KTN1: variants seen among roughly 807,000 people sequenced by gnomAD.
KTN1 encodes kinectin.
A neutral mutation model predicts 222.5 loss-of-function variants in KTN1; 130 were observed. That is an observed-to-expected ratio of 0.58 (90% confidence interval 0.51 to 0.68). The LOEUF is 0.68. Among genes scored for constraint, KTN1 ranks in the 30% least tolerant of loss-of-function variants. KTN1 has a pLI of 0.00. For synonymous variants in KTN1, 512 were observed against 496.3 expected, an observed-to-expected ratio of 1.03 and a Z score of -0.42; for missense variants, 1,508 against 1,500.4, an observed-to-expected ratio of 1.01 and a Z score of -0.08.
intron 5 of KTN1, among the ~76,000 whole-genome samples, chr14:55,627,120 GT>G (rs1453738766): frequency 6.6e-6 from 1 of 152,084 alleles, no homozygotes; most frequent in Non-Finnish European, 1.5e-5. Context: ...GAGATTACAG[GT>G]TACTGTCATT....
chr14:55,613,126 G>A (rs1161099934), intron 2 of KTN1, among the ~76,000 whole-genome samples: 4 of 152,074 alleles, frequency 2.6e-5, no homozygotes, highest in Admixed American at 6.6e-5. Flanking sequence ...TAGGTATTAG[G>A]GCTACAGAGA....
chr14:55,678,662 TC>T, intron 42 of KTN1: 2 of 468,232 alleles, frequency 4.3e-6, no homozygotes, highest in Admixed American at 3.4e-5. Context: ...GGTCCCCAAT[TC>T]CTGGACTGTG....
At chr14:55,665,468 C>A (rs1325623304) in intron 33 of KTN1, among the ~76,000 whole-genome samples, 1 of 151,888 alleles carries the variant, frequency 6.6e-6, no homozygotes, top group Non-Finnish European at 1.5e-5. Flanking sequence ...TGAAAGTCTT[C>A]TATATTTCAA....
chr14:55,607,327 T>G (rs1384735742), intron 1 of KTN1: 1 of 152,194 alleles, frequency 6.6e-6, no homozygotes, highest in Non-Finnish European at 1.5e-5. Context: ...CGTGTTAACT[T>G]ATTATAATTT....
chr14:55,662,025 C>G (rs1166737325), intron 32 of KTN1, among the ~76,000 whole-genome samples: 1 of 150,062 alleles, frequency 6.7e-6, no homozygotes, highest in Non-Finnish European at 1.5e-5. Flanking sequence ...CCAGTATACT[C>G]AGTAATGGGG....
At chr14:55,580,534 T>A (rs756286158) in intron 1 of KTN1, among the ~76,000 whole-genome samples, 180 bp downstream of exon 1, 19 of 149,290 alleles carry the variant, frequency 1.3e-4, no homozygotes, top group Non-Finnish European at 1.9e-4. Flanking sequence ...GCCGCGGGGC[T>A]CTTGTTGGGG....
At chr14:55,676,488 A>G (rs2045900207) in intron 41 of KTN1, among the ~76,000 whole-genome samples, 1 of 152,174 alleles carries the variant, frequency 6.6e-6, no homozygotes, top group Non-Finnish European at 1.5e-5. Flanking sequence ...TAGAGCTATG[A>G]TAGTGTTTAT....
rs541162429 is a variant in KTN1 at position 55,653,014 on chromosome 14, A to G, written c.2695-3A>G. On this transcript the variant is annotated splice_region_variant and splice_polypyrimidine_tract_variant and intron_variant, in intron 26 of 43. Transcript: ENST00000395314. Reference sequence around the variant, plus strand: ...AATTTAATTTACACCTATTCTTTTTAAGGATCTTCAAGAAGAAAATGAATC... The same window carrying G: ...AATTTAATTTACACCTATTCTTTTTGAGGATCTTCAAGAAGAAAATGAATC... 5.6e-6 allele frequency: 9 copies of G among 1,598,566 alleles called. No individual in the cohort carries two copies. Among genetic ancestry groups the G allele is most frequent in the Non-Finnish European group, 6.9e-6 (8 of 1,167,580 alleles).
At position 55,672,613 on chromosome 14, in the gene KTN1, A is replaced by G. The variant is rs763577965; in HGVS notation, c.3532-17A>G. 7 of 1,557,990 alleles carry G rather than the reference A, an allele frequency of 4.5e-6. No individual in the cohort carries two copies. The highest frequency in any genetic ancestry group is 2.2e-5 in the South Asian group (2 of 89,422). ...CTTGGTGGTTTTACTTGGCCATGTA[A>G]TTGTTTCACATTTCAGATGCAGTCA... On this transcript the variant is annotated splice_polypyrimidine_tract_variant and intron_variant, in intron 37 of 43. Transcript: ENST00000395314.
chr14:55,645,932 A>G (rs958656890), intron 18 of KTN1, among the ~76,000 whole-genome samples: 4 of 152,190 alleles, frequency 2.6e-5, no homozygotes, highest in African/African-American at 9.6e-5. Context: ...ATTGGGAAAA[A>G]CAAAAAAATG....
At position 55,646,474 on chromosome 14, in the gene KTN1, CCTTTCCTTTCCTTT is replaced by C. The variant is rs1595074588; in HGVS notation, c.2173-497_2173-484del. ...TTTCCTTTTCCTTTTCCTTTCCTTT[CCTTTCCTTTCCTTT>C]CCTTTCCTTTCCTTTCCTTTCCTTT... On this transcript the variant is annotated intron_variant, in intron 18 of 43. Coordinates refer to ENST00000395314, the MANE Select transcript of KTN1 (RefSeq NM_001079521.2). 1.1e-4 allele frequency among the ~76,000 whole-genome samples: 7 copies of C among 62,528 alleles called. No homozygotes were observed. In the South Asian group the frequency reaches 1.8e-3, roughly 16 times the overall value. The allele number at this position is 62,528 out of a possible 152,430, so 41.0% of individuals were successfully genotyped here.
At chr14:55,682,995 T>A (rs1435025368) in intron 43 of KTN1, 1 of 152,306 alleles carries the variant, frequency 6.6e-6, no homozygotes, top group East Asian at 1.9e-4. Context: ...AAGCTCTGTG[T>A]GTACTCTCTG....
intron 34 of KTN1, chr14:55,668,169 TAC>T (rs2045042057): frequency 2.0e-5 from 3 of 152,274 alleles, no homozygotes; most frequent in Admixed American, 1.3e-4. Context: ...CACTTAAAAA[TAC>T]ATTCTTAATT....
chr14:55,606,653 A>C (rs1033138203), intron 1 of KTN1, among the ~76,000 whole-genome samples: 1 of 152,156 alleles, frequency 6.6e-6, no homozygotes, highest in Non-Finnish European at 1.5e-5. Context: ...ATACTTATCA[A>C]ACTGCCTCAG....
chr14:55,608,202 C>A (rs916286658), intron 1 of KTN1, among the ~76,000 whole-genome samples: 1 of 152,164 alleles, frequency 6.6e-6, no homozygotes, highest in Non-Finnish European at 1.5e-5. Flanking sequence ...CTGTTTCATT[C>A]TCAGTTCCTT....
chr14:55,647,986 A>G, intron 19 of KTN1, 39 bp from the exon 20 acceptor site: 2 of 766,218 alleles, frequency 2.6e-6, no homozygotes. Context: ...TTAACTTTGA[A>G]AAATAGTTAA....
At chr14:55,590,449 A>G (rs2033904935) in intron 1 of KTN1, among the ~76,000 whole-genome samples, 1 of 152,212 alleles carries the variant, frequency 6.6e-6, no homozygotes, top group Non-Finnish European at 1.5e-5. Flanking sequence ...GACATAATGA[A>G]CAGCCTTGTA....
At chr14:55,677,698 T>C (rs1200874810) in intron 41 of KTN1, among the ~76,000 whole-genome samples, 4 of 152,120 alleles carry the variant, frequency 2.6e-5, no homozygotes, top group Admixed American at 2.6e-4. Flanking sequence ...TAACCCTTTA[T>C]TTTATTATAT....
chr14:55,623,069 C>T (rs1363043165), intron 5 of KTN1, among the ~76,000 whole-genome samples: 2 of 152,210 alleles, frequency 1.3e-5, no homozygotes, highest in African/African-American at 4.8e-5. Flanking sequence ...TTCAAGTCTC[C>T]ACTTAAATGT....
Sources: allele counts gnomAD v4.1 joint callset (sites outside exome capture counted in the v4.1 genomes callset), GRCh38; gene constraint gnomAD v4.1.1; transcripts MANE v1.5; gene names NCBI Gene and HGNC (gene_info 2026-07-23, HGNC 2026-07-21).